XYLT1: variants seen among roughly 807,000 people sequenced by gnomAD.
The protein encoded by XYLT1 is beta-D-xylosyltransferase 1.
A neutral mutation model predicts 91.3 loss-of-function variants in XYLT1; 36 were observed. The observed-to-expected ratio is 0.39, with a 90% CI of 0.30 to 0.52. XYLT1 has a LOEUF of 0.52. Ranked by LOEUF, XYLT1 falls within the 20% of genes least tolerant of loss-of-function variation. XYLT1 has a pLI of 0.68. For synonymous variants in XYLT1, 588 were observed against 532.0 expected (o/e 1.11, Z -1.45); for missense variants, 1,242 against 1,284.5 (o/e 0.97, Z 0.51).
At chr16:17,168,683 T>C (rs1048104701) in intron 5 of XYLT1, among the ~76,000 whole-genome samples, 3 of 152,126 alleles carry the variant, frequency 2.0e-5, no homozygotes, top group Admixed American at 2.0e-4. Context: ...TGAAAAATGC[T>C]AAAGAGTATG....
At position 17,102,797 on chromosome 16, in the gene XYLT1, T is replaced by C. The variant is rs554054112; in HGVS notation, c.*5898A>G. On this transcript the variant is annotated 3_prime_UTR_variant, in exon 12 of 12. Transcript: ENST00000261381. ...TAAAATCAACACATTACAAAATATT[T>C]CTGTACAGTTTTATGCATATTATGA... 70 of 152,744 alleles carry C rather than the reference T, an allele frequency of 4.6e-4. No homozygotes were observed. The highest frequency in any genetic ancestry group is 1.6e-3 in the African/African-American group (68 of 41,572). The allele number at this position is 152,744 out of a possible 1,614,324, so 9.5% of individuals were successfully genotyped here. A position where few individuals can be genotyped will look rare whatever the true frequency, so the allele number is the denominator to read the frequency against.
At position 17,259,329 on chromosome 16, in the gene XYLT1, T is replaced by C; in HGVS notation, c.572A>G (p.Glu191Gly). 1 of 1,614,124 alleles carries C rather than the reference T, an allele frequency of 6.2e-7. No individual in the cohort carries two copies. The highest frequency in any genetic ancestry group is 8.5e-7 in the Non-Finnish European group (1 of 1,180,030). Residue 191 changes from glutamate (E) to glycine (G), a missense_variant, in exon 3 of 12, where the codon GAG (glutamate) becomes GGG (glycine). Coordinates refer to ENST00000261381, the MANE Select transcript of XYLT1 (RefSeq NM_022166.4). ...LAKKPPSRQKELLKRKLEQQE... is the reference protein window; with the variant it reads ...LAKKPPSRQKGLLKRKLEQQE... ...CTGTTCCAGCTTCCTTTTCAAAAGCTCCTTCTGTCTACTCGGTGGCTTCTT... is the reference window on the plus strand; with the variant it reads ...CTGTTCCAGCTTCCTTTTCAAAAGCCCCTTCTGTCTACTCGGTGGCTTCTT...
intron 2 of XYLT1, among the ~76,000 whole-genome samples, chr16:17,277,710 T>G (rs956021895): frequency 2.6e-5 from 4 of 152,132 alleles, no homozygotes; most frequent in Non-Finnish European, 4.4e-5. Context: ...ATCTTTATGT[T>G]CACGTGTACT....
At chr16:17,245,137 C>T (rs16968611) in intron 3 of XYLT1, among the ~76,000 whole-genome samples, 1,949 of 152,244 alleles carry the variant, frequency 0.013, 23 homozygotes, top group Admixed American at 0.027. Flanking sequence ...TGGATTTTCC[C>T]CTTATCTGCA....
At chr16:17,188,282 G>A (rs1240517444) in intron 5 of XYLT1, among the ~76,000 whole-genome samples, 1 of 152,064 alleles carries the variant, frequency 6.6e-6, no homozygotes, top group Non-Finnish European at 1.5e-5. Flanking sequence ...TCTCAATGTG[G>A]CAAATATTGT....
intron 1 of XYLT1, among the ~76,000 whole-genome samples, chr16:17,375,815 G>A (rs1043176345): frequency 6.6e-6 from 1 of 152,236 alleles, no homozygotes; most frequent in African/African-American, 2.4e-5. Flanking sequence ...GTGGCTTCCG[G>A]AGCCCGGCCT....
At chr16:17,201,599 T>C (rs1010009895) in intron 3 of XYLT1, among the ~76,000 whole-genome samples, 2 of 151,942 alleles carry the variant, frequency 1.3e-5, no homozygotes, top group Non-Finnish European at 2.9e-5. Flanking sequence ...CTGAGCCTCC[T>C]GAGTAGCTGA....
At chr16:17,303,051 C>T (rs765112345) in intron 2 of XYLT1, among the ~76,000 whole-genome samples, 6 of 152,084 alleles carry the variant, frequency 3.9e-5, no homozygotes, top group East Asian at 1.9e-4. Flanking sequence ...GAGCTTCAGT[C>T]GTGATGGATC....
At chr16:17,334,945 C>A (rs1210149646) in intron 2 of XYLT1, among the ~76,000 whole-genome samples, 1 of 151,968 alleles carries the variant, frequency 6.6e-6, no homozygotes, top group Non-Finnish European at 1.5e-5. Flanking sequence ...GCTACTGGGC[C>A]AGGCGTGGTG....
At position 17,200,637 on chromosome 16, in the gene XYLT1, C is replaced by T. The variant is rs780997015; in HGVS notation, c.931G>A (p.Val311Met). 11 of 1,613,440 alleles carry T rather than the reference C, an allele frequency of 6.8e-6. No homozygotes were observed. Among genetic ancestry groups the T allele is most frequent in the African/African-American group, 1.3e-5 (1 of 74,904 alleles). The change falls in exon 4 of 12, where the codon GTG (valine) becomes ATG (methionine). Residue 311 changes from valine to methionine, a missense_variant. Val to Met is a conservative substitution (Grantham distance 21). Around this residue, in one of 3 missense-constraint regions of XYLT1, gnomAD observed 437 missense variants for 411.5 expected, o/e 1.06. Coordinates refer to ENST00000261381, the MANE Select transcript of XYLT1 (RefSeq NM_022166.4). ...TCCACGGAGTCCTCGTCCCACTGCA[C>T]GTTCTTGTTGGCTTTACCTGGGGAA... Reference protein sequence around the residue: ...CPLEGKANKNVQWDEDSVEYM... With the variant: ...CPLEGKANKNMQWDEDSVEYM...
rs1280725320 is a variant in XYLT1 at position 17,117,709 on chromosome 16, C to T, written c.2494G>A (p.Val832Ile). ...TVKILHHWVP[V>I]AETKFLVAPL... Reference sequence around the variant, plus strand: ...GCAACGAGGAATTTGGTCTCTGCAACTGGCACCCAGTGGTGGAGAATTTTC... The same window carrying T: ...GCAACGAGGAATTTGGTCTCTGCAATTGGCACCCAGTGGTGGAGAATTTTC... Residue 832 changes from valine (V) to isoleucine (I), a missense_variant, in exon 11 of 12, where the codon GTT (valine) becomes ATT (isoleucine). Physicochemically the swap from Val to Ile is conservative, Grantham distance 29. Transcript: ENST00000261381. 1 of 1,614,234 alleles carries T rather than the reference C, an allele frequency of 6.2e-7. No homozygotes were observed. The highest frequency in any genetic ancestry group is 2.2e-5 in the East Asian group (1 of 44,888).
chr16:17,148,219 A>C (rs2141528943), intron 6 of XYLT1, among the ~76,000 whole-genome samples: 1 of 152,298 alleles, frequency 6.6e-6, no homozygotes, highest in East Asian at 1.9e-4. Flanking sequence ...AGTGTTTAGT[A>C]AGCGCTGTTC....
chr16:17,299,090 T>C (rs1200462452), intron 2 of XYLT1, among the ~76,000 whole-genome samples: 1 of 152,212 alleles, frequency 6.6e-6, no homozygotes, highest in Admixed American at 6.5e-5. Context: ...GCTACTTTTT[T>C]ATGTCCCTTC....
Position 17,273,769 on chromosome 16 carries a change from G to A in XYLT1, c.403-14271C>T, listed in dbSNP as rs1175088608. Among the ~76,000 whole-genome samples the A allele has an allele frequency of 4.0e-5, 6 of 150,552 alleles. No homozygotes were observed. The East Asian group carries it at 8.0e-4, about 20-fold the overall frequency. On this transcript the variant is annotated intron_variant, in intron 2 of 11. Transcript: ENST00000261381. ...TGAGGCAGAAGGATCGCTTGAACCC[G>A]GGAGGCAGAGGTTGCAGTGAGCCAA...
At chr16:17,194,946 A>C (rs973985049) in intron 5 of XYLT1, among the ~76,000 whole-genome samples, 3 of 152,184 alleles carry the variant, frequency 2.0e-5, no homozygotes, top group Non-Finnish European at 4.4e-5. Context: ...CCTCCTTGCC[A>C]TGTACTTGTC....
chr16:17,468,320 C>G (rs750833009), intron 1 of XYLT1, among the ~76,000 whole-genome samples: 1 of 151,602 alleles, frequency 6.6e-6, no homozygotes, highest in Non-Finnish European at 1.5e-5. Context: ...CAAGAGACAA[C>G]AGTCAACAGC....
intron 1 of XYLT1, among the ~76,000 whole-genome samples, chr16:17,444,848 C>T (rs2036573984): frequency 6.6e-6 from 1 of 151,888 alleles, no homozygotes; most frequent in Admixed American, 6.5e-5. Flanking sequence ...AAAATACAGA[C>T]TGAGGGAATG....
intron 2 of XYLT1, among the ~76,000 whole-genome samples, chr16:17,308,829 G>A (rs2034503215): frequency 6.6e-6 from 1 of 152,112 alleles, no homozygotes; most frequent in East Asian, 1.9e-4. Flanking sequence ...TTTCTGCAAG[G>A]AAAATAACAT....
intron 1 of XYLT1, among the ~76,000 whole-genome samples, chr16:17,468,577 G>C (rs1392668838): frequency 6.6e-6 from 1 of 152,194 alleles, no homozygotes; most frequent in Non-Finnish European, 1.5e-5. Context: ...ATCTCTCAGA[G>C]GCTGAGCTGG....
Sources: gnomAD v4.1 joint callset for allele counts (sites outside exome capture counted in the v4.1 genomes callset) on GRCh38, gnomAD v4.1.1 for gene constraint, gnomAD v4.1.1 regional missense constraint, MANE v1.5 for transcripts, NCBI Gene and HGNC (gene_info 2026-07-23, HGNC 2026-07-21) for gene names.